The following CCDC3 variants were observed in gnomAD, a reference collection of about 807,000 sequenced individuals.
CCDC3 encodes coiled-coil domain containing 3.
CCDC3 carries 24 observed loss-of-function variants against 21.4 expected under a neutral mutation model. That is an observed-to-expected ratio of 1.12 (90% CI 0.81 to 1.58). CCDC3 has a LOEUF of 1.58. Ranked by LOEUF, CCDC3 falls within the 40% of genes most tolerant of loss-of-function variation. The pLI is 0.00. For missense variants in CCDC3, 425 were observed against 360.9 expected (o/e 1.18, Z -1.44); for synonymous variants, 186 against 166.0 (o/e 1.12, Z -0.93).
chr10:13,097,489 C>T (rs1335488531), intron 3 of CCDC3, among the ~76,000 whole-genome samples: 1 of 152,122 alleles, frequency 6.6e-6, no homozygotes, highest in Non-Finnish European at 1.5e-5. Context: ...TTTGGAAGGC[C>T]GAGGCAGGTG....
At chr10:13,034,696 C>G (rs1347635820) in intron 5 of CCDC3, among the ~76,000 whole-genome samples, 3 of 128,808 alleles carry the variant, frequency 2.3e-5, no homozygotes, top group Admixed American at 1.8e-4. Flanking sequence ...AATGTTCTCA[C>G]TGTAAAAAAC....
chr10:12,957,073 T>A (rs1835100923), intron 2 of CCDC3, among the ~76,000 whole-genome samples: 1 of 152,234 alleles, frequency 6.6e-6, no homozygotes, highest in Admixed American at 6.5e-5. Context: ...CCTTTGAAAT[T>A]AATCATCAGA....
At chr10:13,046,049 C>A (rs1484734166) in intron 5 of CCDC3, among the ~76,000 whole-genome samples, 1 of 152,074 alleles carries the variant, frequency 6.6e-6, no homozygotes, top group African/African-American at 2.4e-5. Context: ...TGAGATCGTG[C>A]CACTGGACTC....
intron 5 of CCDC3, among the ~76,000 whole-genome samples, chr10:13,011,876 A>G (rs1406677010): frequency 1.3e-5 from 2 of 152,176 alleles, no homozygotes; most frequent in Non-Finnish European, 2.9e-5. Context: ...CAGAATAGTG[A>G]GCCTAGAAAT....
chr10:13,020,272 C>T (rs1490911648), intron 5 of CCDC3, among the ~76,000 whole-genome samples: 3 of 152,144 alleles, frequency 2.0e-5, no homozygotes, highest in African/African-American at 7.2e-5. Flanking sequence ...GGGTGGGACT[C>T]AGCTATTGTT....
chr10:12,965,804 C>T lies in CCDC3; in HGVS notation c.549+32534G>A, dbSNP rs1399187497. The stretch of plus-strand genomic sequence containing the variant: ...CATGCAAGACAGAATGCCAAGTTGG[C>T]TCAGCCCTAAAGAGAAGGCTTCGTG... On this transcript the variant is annotated intron_variant, in intron 2 of 2. Coordinates refer to ENST00000378825, the MANE Select transcript of CCDC3 (RefSeq NM_031455.4). 3.3e-5 allele frequency among the ~76,000 whole-genome samples: 5 copies of T among 152,290 alleles called. No homozygotes were observed. The East Asian group carries it at 9.7e-4, about 29-fold the overall frequency.
chr10:13,040,716 C>CACACACACACAA (rs1192519100), intron 5 of CCDC3, among the ~76,000 whole-genome samples: 1 of 151,834 alleles, frequency 6.6e-6, no homozygotes, highest in African/African-American at 2.4e-5. Context: ...CACACACACA[C>CACACACACACAA]ACACACACAC....
chr10:12,938,816 C>G (rs1378208016), intron 2 of CCDC3, among the ~76,000 whole-genome samples: 6 of 152,190 alleles, frequency 3.9e-5, no homozygotes, highest in Non-Finnish European at 8.8e-5. Context: ...CCTTCCCTAT[C>G]CAGCCACACT....
At chr10:12,945,398 G>A (rs991529674) in intron 2 of CCDC3, among the ~76,000 whole-genome samples, 4 of 151,544 alleles carry the variant, frequency 2.6e-5, no homozygotes, top group Non-Finnish European at 5.9e-5. Flanking sequence ...TTGTTCCACA[G>A]TGAGAAAAAA....
chr10:12,915,552 T>G (rs1834339833), intron 2 of CCDC3, among the ~76,000 whole-genome samples: 1 of 152,218 alleles, frequency 6.6e-6, no homozygotes, highest in African/African-American at 2.4e-5. Context: ...CATGATTGTT[T>G]TTGTGGCCAT....
At chr10:13,000,946 C>T (rs941472466) in intron 1 of CCDC3, among the ~76,000 whole-genome samples, 1 of 152,222 alleles carries the variant, frequency 6.6e-6, no homozygotes, top group African/African-American at 2.4e-5. Flanking sequence ...GTCTGCAATG[C>T]TCTTCTGTGT....
At chr10:12,922,698 AT>A (rs2131218100) in intron 2 of CCDC3, among the ~76,000 whole-genome samples, 1 of 151,788 alleles carries the variant, frequency 6.6e-6, no homozygotes, top group Non-Finnish European at 1.5e-5. Context: ...CAGGATGTTT[AT>A]GTTTTCCCCG....
chr10:12,981,046 T>A (rs766887136), intron 2 of CCDC3, among the ~76,000 whole-genome samples: 40 of 152,186 alleles, frequency 2.6e-4, no homozygotes, highest in Non-Finnish European at 4.9e-4. Flanking sequence ...TAGACTTTTT[T>A]TTTTTTTTAA....
intron 2 of CCDC3, among the ~76,000 whole-genome samples, chr10:12,946,071 C>T (rs1160240507): frequency 2.0e-5 from 3 of 152,202 alleles, no homozygotes; most frequent in African/African-American, 7.2e-5. Flanking sequence ...ATCTCTAGGG[C>T]ACTGTATTCT....
intron 5 of CCDC3, among the ~76,000 whole-genome samples, chr10:13,034,880 G>T (rs577243781): frequency 2.6e-5 from 4 of 152,122 alleles, no homozygotes; most frequent in South Asian, 4.2e-4. Context: ...CAAAAAATTA[G>T]CCAGGCATGT....
chr10:12,979,565 G>A (rs548228407), intron 2 of CCDC3, among the ~76,000 whole-genome samples: 1 of 151,946 alleles, frequency 6.6e-6, no homozygotes, highest in African/African-American at 2.4e-5. Context: ...GTAGAGACAG[G>A]GTCTTGCTGT....
chr10:13,003,888 C>T (rs531434988), upstream of CCDC3, among the ~76,000 whole-genome samples: 8 of 152,334 alleles, frequency 5.3e-5, no homozygotes, highest in Middle Eastern at 3.4e-3. Context: ...TGCAAGAAAT[C>T]GTCCTCATGG....
intron 2 of CCDC3, among the ~76,000 whole-genome samples, chr10:12,990,192 G>A (rs1218284402): frequency 3.3e-5 from 5 of 150,344 alleles, no homozygotes; most frequent in Non-Finnish European, 7.4e-5. Context: ...GGGAGGCGGA[G>A]CTTGCAGTGA....
chr10:13,079,789 G>C (rs947450230), intron 3 of CCDC3, among the ~76,000 whole-genome samples: 1 of 152,230 alleles, frequency 6.6e-6, no homozygotes, highest in African/African-American at 2.4e-5. Context: ...CCTAGGGAAA[G>C]GGGGAGGAGA....
Sources: gnomAD v4.1 joint callset for allele counts (sites outside exome capture counted in the v4.1 genomes callset) on GRCh38, gnomAD v4.1.1 for gene constraint, MANE v1.5 for transcripts, NCBI Gene and HGNC (gene_info 2026-07-23, HGNC 2026-07-21) for gene names.